FSHR: variants seen among roughly 807,000 people sequenced by gnomAD.
FSHR encodes follicle-stimulating hormone receptor.
Under a neutral mutation model 52.1 loss-of-function variants are expected in FSHR, and 46 were observed. That is an observed-to-expected ratio of 0.88 (90% CI 0.70 to 1.13). The LOEUF (loss-of-function observed/expected upper bound fraction) is 1.13. FSHR is among the 50% of genes most tolerant of loss of function. The pLI, the probability that FSHR is intolerant of heterozygous loss-of-function variation, is 0.00. For synonymous variants in FSHR, 399 were observed against 309.6 expected (o/e 1.29, Z -3.03); for missense variants, 964 against 834.6 (o/e 1.16, Z -1.91).
intron 1 of FSHR, among the ~76,000 whole-genome samples, chr2:49,098,587 GCCAGGTTACA>G (rs1424999345): frequency 6.6e-6 from 1 of 151,674 alleles, no homozygotes; most frequent in Admixed American, 6.6e-5. Context: ...GAATCTCTAT[GCCAGGTTACA>G]GAGATTTGAT....
intron 1 of FSHR, among the ~76,000 whole-genome samples, chr2:49,115,315 T>C (rs2103764151): frequency 6.6e-6 from 1 of 152,132 alleles, no homozygotes; most frequent in Non-Finnish European, 1.5e-5. Flanking sequence ...CTTGTGATGC[T>C]TACTATTATC....
chr2:49,028,324 C>T, intron 2 of FSHR, among the ~76,000 whole-genome samples: 1 of 152,212 alleles, frequency 6.6e-6, no homozygotes, highest in Non-Finnish European at 1.5e-5. Flanking sequence ...TTTGTCTCAT[C>T]AGGGCCCTGC....
intron 4 of FSHR, among the ~76,000 whole-genome samples, chr2:49,011,791 G>C (rs1487066574): frequency 1.3e-5 from 2 of 152,050 alleles, no homozygotes; most frequent in Admixed American, 6.6e-5. Context: ...GCTACTCTGA[G>C]CTGCCTCTTG....
rs1196112929 is a variant in FSHR, at chr2:49,073,821, G to T, written c.153-5531C>A. ...AAGCTATAGTAACCAAAACAACAAG[G>T]TATTGGCATGAAAATAGAAACATAG... On this transcript the variant is annotated intron_variant, in intron 1 of 9. Coordinates refer to ENST00000406846, the MANE Select transcript of FSHR (RefSeq NM_000145.4). 2.0e-5 allele frequency among the ~76,000 whole-genome samples: 3 copies of T among 151,998 alleles called. No homozygotes were observed. In the East Asian group the frequency reaches 5.8e-4, roughly 29 times the overall value.
At chr2:49,051,881 G>C (rs564744670) in intron 2 of FSHR, among the ~76,000 whole-genome samples, 1 of 152,178 alleles carries the variant, frequency 6.6e-6, no homozygotes, top group South Asian at 2.1e-4. Context: ...CATGAGGTAA[G>C]GGTTGGGATT....
intron 4 of FSHR, among the ~76,000 whole-genome samples, chr2:49,012,071 A>C (rs1667296736): frequency 6.6e-6 from 1 of 152,056 alleles, no homozygotes; most frequent in Non-Finnish European, 1.5e-5. Context: ...TAACAGGCCC[A>C]CATCTGAGTG....
At chr2:49,034,435 G>A (rs1668211043) in intron 2 of FSHR, among the ~76,000 whole-genome samples, 1 of 152,208 alleles carries the variant, frequency 6.6e-6, no homozygotes, top group African/African-American at 2.4e-5. Context: ...TTAGAGCAAA[G>A]TGGTATATGC....
chr2:48,980,249 A>C (rs1675187481), intron 8 of FSHR, among the ~76,000 whole-genome samples: 1 of 151,962 alleles, frequency 6.6e-6, no homozygotes, highest in South Asian at 2.1e-4. Context: ...ATGTATTATC[A>C]CTCTCTACCT....
intron 2 of FSHR, among the ~76,000 whole-genome samples, chr2:49,067,101 G>A (rs1362003145): frequency 1.3e-5 from 2 of 152,032 alleles, no homozygotes; most frequent in African/African-American, 4.8e-5. Flanking sequence ...AATCACGTAA[G>A]CCCCTTTTTA....
At chr2:49,069,060 T>A (rs760886184) in intron 1 of FSHR, among the ~76,000 whole-genome samples, 2 of 152,100 alleles carry the variant, frequency 1.3e-5, no homozygotes, top group Non-Finnish European at 2.9e-5. Context: ...CTGCTCGAAA[T>A]AATTGTCTCA....
intron 1 of FSHR, among the ~76,000 whole-genome samples, chr2:49,109,560 G>A: frequency 6.6e-6 from 1 of 152,140 alleles, no homozygotes; most frequent in East Asian, 1.9e-4. Flanking sequence ...AGAAAGGGGA[G>A]TGGACTGGGG....
chr2:48,962,925 GT>G lies in FSHR; in HGVS notation c.1895del (p.Asn632ThrfsTer10). Reference sequence around the variant, plus strand: ...GCAGAATGAAGAAATCTCTGCGAAAGTTTTTGGTAAAGATGGCATAGAGGAA... The same window carrying G: ...GCAGAATGAAGAAATCTCTGCGAAAGTTTTGGTAAAGATGGCATAGAGGAA... ...NPFLYAIFTK[N>X]FRRDFFILLS... On this transcript the variant is annotated frameshift_variant, in exon 10 of 10. Coordinates refer to ENST00000406846, the MANE Select transcript of FSHR (RefSeq NM_000145.4). LOFTEE classifies it high-confidence loss of function. The G allele has an allele frequency of 1.2e-6, 2 of 1,614,168 alleles. No individual in the cohort carries two copies. Among genetic ancestry groups the G allele is most frequent in the Non-Finnish European group, 1.7e-6 (2 of 1,180,022 alleles).
intron 1 of FSHR, among the ~76,000 whole-genome samples, chr2:49,119,661 A>G (rs928426451): frequency 6.6e-6 from 1 of 152,168 alleles, no homozygotes; most frequent in African/African-American, 2.4e-5. Flanking sequence ...TACCACTGAA[A>G]TCCCAGGTAA....
chr2:49,054,517 A>T (rs1668983204), intron 2 of FSHR, among the ~76,000 whole-genome samples: 2 of 152,174 alleles, frequency 1.3e-5, no homozygotes, highest in South Asian at 4.1e-4. Context: ...ATGTGCCTAC[A>T]TCTGGGCCTG....
chr2:48,970,387 C>A (rs892096157), intron 8 of FSHR, among the ~76,000 whole-genome samples: 1 of 152,150 alleles, frequency 6.6e-6, no homozygotes, highest in Non-Finnish European at 1.5e-5. Flanking sequence ...CTCTGATCTC[C>A]TTGATTTTGT....
chr2:49,101,205 A>C (rs764224695), intron 1 of FSHR, among the ~76,000 whole-genome samples: 6 of 152,184 alleles, frequency 3.9e-5, no homozygotes, highest in Non-Finnish European at 5.9e-5. Flanking sequence ...TGGATGAACC[A>C]GGGAAGAGAT....
At chr2:49,008,031 T>A (rs1365520475) in intron 4 of FSHR, among the ~76,000 whole-genome samples, 1 of 151,970 alleles carries the variant, frequency 6.6e-6, no homozygotes, top group African/African-American at 2.4e-5. Context: ...TTTTTTATTT[T>A]TTATTTTTAT....
In FSHR at chr2:49,023,983, G is replaced by A. The variant is rs556852079; in HGVS notation, c.225-3823C>T. On this transcript the variant is annotated intron_variant, in intron 2 of 9. Transcript: ENST00000406846. ...TCCAATATTGAGGACTTTAGGGAGC[G>A]AATAAGCATACAGAATTTGGTCTGC... 2.0e-4 allele frequency among the ~76,000 whole-genome samples: 30 copies of A among 152,046 alleles called. 1 individual carries two copies. Among genetic ancestry groups the A allele is most frequent in the Non-Finnish European group, 4.0e-4 (27 of 68,022 alleles).
At chr2:49,064,174 G>C (rs985614068) in intron 2 of FSHR, among the ~76,000 whole-genome samples, 11 of 152,020 alleles carry the variant, frequency 7.2e-5, no homozygotes, top group African/African-American at 1.9e-4. Flanking sequence ...AAATGGATGA[G>C]GGAGAGGGAA....
Sources: allele counts gnomAD v4.1 joint callset (sites outside exome capture counted in the v4.1 genomes callset), GRCh38; gene constraint gnomAD v4.1.1; transcripts MANE v1.5; gene names NCBI Gene and HGNC (gene_info 2026-07-23, HGNC 2026-07-21).